The following ITGAV variants were observed in gnomAD, a reference collection of about 807,000 sequenced individuals.
ITGAV encodes the protein integrin subunit alpha V.
A neutral mutation model predicts 143.8 loss-of-function variants in ITGAV; 76 were observed. The ratio of observed to expected loss-of-function variants is 0.53; its 90% CI spans 0.44 to 0.64. The LOEUF (loss-of-function observed/expected upper bound fraction) is 0.64, where lower values mean the gene tolerates loss of function less well. Among genes scored for constraint, ITGAV ranks in the 30% least tolerant of loss-of-function variants. The pLI is 0.00. For synonymous variants in ITGAV, 453 were observed against 446.7 expected, an observed-to-expected ratio of 1.01 and a Z score of -0.18; for missense variants, 1,193 against 1,274.7, an observed-to-expected ratio of 0.94 and a Z score of 0.98.
chr2:186,608,169 G>T (rs1432615457), intron 2 of ITGAV, among the ~76,000 whole-genome samples: 1 of 152,160 alleles, frequency 6.6e-6, no homozygotes, highest in Non-Finnish European at 1.5e-5. Context: ...CACCAAAGAG[G>T]TATGTCTGGT....
At chr2:186,618,863 A>G (rs1687441862) in intron 2 of ITGAV, among the ~76,000 whole-genome samples, 1 of 152,182 alleles carries the variant, frequency 6.6e-6, no homozygotes, top group South Asian at 2.1e-4. Flanking sequence ...CCAAAACTAC[A>G]AATGGAACTA....
intron 7 of ITGAV, 39 bp from the exon 8 acceptor site, chr2:186,637,026 C>T: frequency 6.3e-7 from 1 of 1,578,324 alleles, no homozygotes; most frequent in Non-Finnish European, 8.7e-7. Context: ...AAGATAACGT[C>T]CTTGTCCTGA....
intron 25 of ITGAV, 69 bp from the exon 26 acceptor site, chr2:186,669,632 T>C: frequency 9.5e-7 from 1 of 1,047,436 alleles, no homozygotes; most frequent in Non-Finnish European, 1.4e-6. Flanking sequence ...TAAGAGTTTA[T>C]ATCAAAATGC....
chr2:186,657,423 G>A (rs1019327325), intron 17 of ITGAV, among the ~76,000 whole-genome samples: 1 of 152,170 alleles, frequency 6.6e-6, no homozygotes, highest in South Asian at 2.1e-4. Context: ...TCACAGTGCA[G>A]TTGTTAGAAA....
At chr2:186,642,293 G>A (rs1316498402) in intron 12 of ITGAV, among the ~76,000 whole-genome samples, 2 of 151,952 alleles carry the variant, frequency 1.3e-5, no homozygotes, top group Non-Finnish European at 2.9e-5. Context: ...GAACTAGTTT[G>A]TGTAATCAAC....
intron 2 of ITGAV, among the ~76,000 whole-genome samples, chr2:186,616,500 G>A (rs1191216656): frequency 7.3e-5 from 11 of 151,504 alleles, no homozygotes; most frequent in African/African-American, 1.7e-4. Context: ...GGATGGTCTC[G>A]ATCTCCTGAC....
At chr2:186,667,799 T>C in intron 24 of ITGAV, 23 bp downstream of exon 24, 1 of 1,485,764 alleles carries the variant, frequency 6.7e-7, no homozygotes, top group Non-Finnish European at 9.3e-7. Flanking sequence ...TAGATTTTAC[T>C]CAAACCTCGT....
chr2:186,594,930 A>G (rs575636645), intron 1 of ITGAV, among the ~76,000 whole-genome samples: 261 of 152,316 alleles, frequency 1.7e-3, no homozygotes, highest in African/African-American at 6.0e-3. Flanking sequence ...CAAATCCTAT[A>G]TTACTTCTGA....
intron 5 of ITGAV, 57 bp downstream of exon 5, chr2:186,630,915 G>T: frequency 2.1e-6 from 2 of 932,568 alleles, no homozygotes; most frequent in South Asian, 1.5e-5. Context: ...ACTAGACTGT[G>T]GTTAAAAATA....
Position 186,638,266 on chromosome 2 carries a change from G to C in ITGAV, c.803-11G>C. ...TAAAAAATGAATAATTTGTTTGTTT[G>C]TTTGTTTCAGACTTTGTTTCAGGAG... On this transcript the variant is annotated splice_polypyrimidine_tract_variant and intron_variant, in intron 8 of 29. Coordinates refer to ENST00000261023, the MANE Select transcript of ITGAV (RefSeq NM_002210.5). 1.2e-6 allele frequency: 2 copies of C among 1,613,422 alleles called. No individual in the cohort carries two copies. The highest frequency in any genetic ancestry group is 1.7e-6 in the Non-Finnish European group (2 of 1,179,490).
chr2:186,673,455 G>A (rs10206772), intron 26 of ITGAV, among the ~76,000 whole-genome samples: 15 of 152,050 alleles, frequency 9.9e-5, no homozygotes, highest in African/African-American at 3.4e-4. Context: ...CAAGGTAGTT[G>A]GAATTTTGGT....
chr2:186,633,141 C>CAA (rs909847322), intron 5 of ITGAV, among the ~76,000 whole-genome samples, 188 bp from the exon 6 acceptor site: 16 of 74,518 alleles, frequency 2.1e-4, no homozygotes, highest in African/African-American at 6.7e-4. Flanking sequence ...TTTGTCTCTA[C>CAA]AAAAAAAAAA....
At chr2:186,607,559 GACTCTT>G (rs1687102268) in intron 2 of ITGAV, among the ~76,000 whole-genome samples, 1 of 151,992 alleles carries the variant, frequency 6.6e-6, no homozygotes. Context: ...ATAAAGCTTA[GACTCTT>G]ACTCATATGT....
chr2:186,605,737 T>G (rs1687040709), intron 2 of ITGAV, among the ~76,000 whole-genome samples: 1 of 91,928 alleles, frequency 1.1e-5, no homozygotes. Context: ...TGGTTGTAGA[T>G]GTGTATATAT....
At chr2:186,605,802 A>G (rs1398635329) in intron 2 of ITGAV, among the ~76,000 whole-genome samples, 1 of 148,522 alleles carries the variant, frequency 6.7e-6, no homozygotes, top group Non-Finnish European at 1.5e-5. Context: ...TGTATAATAT[A>G]TTCTTATGTA....
intron 14 of ITGAV, among the ~76,000 whole-genome samples, chr2:186,651,660 C>T (rs16828156): frequency 4.0e-3 from 608 of 152,116 alleles, no homozygotes; most frequent in African/African-American, 0.014. Context: ...GGTAGTGCAG[C>T]GAATTCGGTA....
chr2:186,590,155 C>G lies in ITGAV; in HGVS notation c.-184C>G, dbSNP rs540441106. The G allele has an allele frequency of 1.3e-5, 6 of 459,118 alleles. No homozygotes were observed. The highest frequency in any genetic ancestry group is 2.2e-5 in the Non-Finnish European group (6 of 274,088). The allele number at this position is 459,118 out of a possible 1,614,324, so 28.4% of individuals were successfully genotyped here. On this transcript the variant is annotated 5_prime_UTR_variant, in exon 1 of 30. Coordinates refer to ENST00000261023, the MANE Select transcript of ITGAV (RefSeq NM_002210.5). ...GCCCCGCGCGCTCTGCGCCCCTCGT[C>G]CCTGGCGGTCGCTCCGAAGCTCAGC...
At chr2:186,637,169 T>C (rs1574482060) in intron 8 of ITGAV, 60 bp downstream of exon 8, 2 of 1,388,442 alleles carry the variant, frequency 1.4e-6, no homozygotes, top group Admixed American at 4.0e-5. Context: ...ATTTGAAACA[T>C]GTGGCATTGA....
intron 12 of ITGAV, 48 bp from the exon 13 acceptor site, chr2:186,646,638 T>A (rs1198924718): frequency 5.7e-6 from 8 of 1,412,794 alleles, no homozygotes; most frequent in African/African-American, 1.4e-5. Flanking sequence ...CTTTTCCTCC[T>A]CCTTACTTCT....
Sources: gnomAD v4.1 joint callset for allele counts (sites outside exome capture counted in the v4.1 genomes callset) on GRCh38, gnomAD v4.1.1 for gene constraint, MANE v1.5 for transcripts, NCBI Gene and HGNC (gene_info 2026-07-23, HGNC 2026-07-21) for gene names.